The following SLC25A21 variants were observed in gnomAD, a reference collection of about 807,000 sequenced individuals.
The protein encoded by SLC25A21 is mitochondrial 2-oxodicarboxylate carrier.
SLC25A21 carries 47 observed loss-of-function variants against 43.8 expected under a neutral mutation model. That is an observed-to-expected ratio of 1.07 (90% CI 0.85 to 1.37). The LOEUF (loss-of-function observed/expected upper bound fraction) is 1.37, where lower values mean the gene tolerates loss of function less well. Among genes scored for constraint, SLC25A21 ranks in the 40% most tolerant of loss-of-function variants. The pLI is 0.00. For missense variants in SLC25A21, 352 were observed against 350.2 expected, an observed-to-expected ratio of 1.00 and a Z score of -0.04; for synonymous variants, 131 against 121.3, an observed-to-expected ratio of 1.08 and a Z score of -0.52.
chr14:36,868,949 G>C (rs957262917), intron 2 of SLC25A21, among the ~76,000 whole-genome samples: 2 of 152,156 alleles, frequency 1.3e-5, no homozygotes, highest in Admixed American at 1.3e-4. Flanking sequence ...TCTCCCACTG[G>C]AGAGACCTAC....
rs1183706584 is a variant in SLC25A21 at position 36,680,449 on chromosome 14, A to AT, written c.*208dup. On this transcript the variant is annotated 3_prime_UTR_variant, in exon 10 of 10. Coordinates refer to ENST00000331299, the MANE Select transcript of SLC25A21 (RefSeq NM_030631.4). ...TTTAAATACCTCATTGTTTCATATTATTTTTTTCTTCTCACAGTTTTATTT... is the reference window on the plus strand; with the variant it reads ...TTTAAATACCTCATTGTTTCATATTATTTTTTTTCTTCTCACAGTTTTATTT... The AT allele has an allele frequency of 5.0e-5, 59 of 1,190,778 alleles. No homozygotes were observed. The highest frequency in any genetic ancestry group is 6.6e-4 in the Middle Eastern group (2 of 3,036). 73.8% of individuals were successfully genotyped at this position (1,190,778 alleles called of 1,614,324 possible). A position where few individuals can be genotyped will look rare whatever the true frequency, so the allele number is the denominator to read the frequency against.
At chr14:36,866,437 T>G (rs1252011574) in intron 2 of SLC25A21, among the ~76,000 whole-genome samples, 1 of 152,146 alleles carries the variant, frequency 6.6e-6, no homozygotes, top group Non-Finnish European at 1.5e-5. Flanking sequence ...AATGGGCCAT[T>G]TCCTTTCCTG....
At chr14:36,695,272 C>A (rs113507427) in intron 7 of SLC25A21, among the ~76,000 whole-genome samples, 2,786 of 152,170 alleles carry the variant, frequency 0.018, 49 homozygotes, top group African/African-American at 0.054. Flanking sequence ...TGGTCTATAT[C>A]TCTGTTTTGG....
At chr14:36,954,656 G>A (rs529833647) in intron 1 of SLC25A21, among the ~76,000 whole-genome samples, 23 of 152,022 alleles carry the variant, frequency 1.5e-4, no homozygotes, top group South Asian at 8.3e-4. Context: ...TTTCAAAATC[G>A]CTACGAGAGT....
chr14:36,937,884 G>A (rs1223461507), intron 1 of SLC25A21, among the ~76,000 whole-genome samples: 1 of 152,058 alleles, frequency 6.6e-6, no homozygotes, highest in African/African-American at 2.4e-5. Flanking sequence ...AGTCTGTATT[G>A]GAAAGCTGAG....
intron 1 of SLC25A21, among the ~76,000 whole-genome samples, chr14:37,143,660 A>G (rs1279476592): frequency 6.6e-6 from 1 of 151,686 alleles, no homozygotes; most frequent in Non-Finnish European, 1.5e-5. Flanking sequence ...AAGGGGAAGA[A>G]GGCATTTGAC....
At chr14:36,922,831 A>C (rs1892019354) in intron 1 of SLC25A21, among the ~76,000 whole-genome samples, 1 of 152,140 alleles carries the variant, frequency 6.6e-6, no homozygotes, top group Non-Finnish European at 1.5e-5. Context: ...AGAATCCAAG[A>C]TGACCCACAA....
chr14:36,984,683 A>G (rs1319060965), intron 1 of SLC25A21, among the ~76,000 whole-genome samples: 2 of 152,048 alleles, frequency 1.3e-5, no homozygotes, highest in Non-Finnish European at 2.9e-5. Context: ...ATGACTTTTA[A>G]AAATGTTTTA....
At chr14:36,734,716 G>T (rs545934941) in intron 3 of SLC25A21, 143 bp from the exon 4 acceptor site, 5 of 646,486 alleles carry the variant, frequency 7.7e-6, no homozygotes, top group Admixed American at 5.8e-5. Context: ...CTAAAATAAA[G>T]AAATAAATTT....
intron 3 of SLC25A21, among the ~76,000 whole-genome samples, chr14:36,735,302 A>G (rs1884985861): frequency 6.6e-6 from 1 of 152,248 alleles, no homozygotes; most frequent in South Asian, 2.1e-4. Flanking sequence ...TTAGATTTAT[A>G]ACAAGTCACC....
chr14:37,044,131 T>C (rs559206441), intron 1 of SLC25A21, among the ~76,000 whole-genome samples: 1 of 151,794 alleles, frequency 6.6e-6, no homozygotes, highest in East Asian at 2.0e-4. Context: ...TTCCATTACA[T>C]CCCCAGCACC....
chr14:36,716,398 A>G (rs570099804), intron 6 of SLC25A21, among the ~76,000 whole-genome samples: 1 of 152,256 alleles, frequency 6.6e-6, no homozygotes, highest in South Asian at 2.1e-4. Context: ...TTAAATAAGT[A>G]AATTTTAGCT....
At chr14:37,005,086 G>T (rs1195737941) in intron 1 of SLC25A21, among the ~76,000 whole-genome samples, 1 of 151,828 alleles carries the variant, frequency 6.6e-6, no homozygotes, top group Admixed American at 6.6e-5. Flanking sequence ...CGGAATAATC[G>T]AATCCCCTAA....
chr14:37,053,348 A>C (rs1309548186), intron 1 of SLC25A21, among the ~76,000 whole-genome samples: 3 of 152,210 alleles, frequency 2.0e-5, no homozygotes, highest in African/African-American at 7.2e-5. Context: ...ATTAGAGAAC[A>C]AGTTTCATGC....
intron 1 of SLC25A21, among the ~76,000 whole-genome samples, chr14:37,051,066 G>A (rs1340365421): frequency 6.6e-6 from 1 of 152,006 alleles, no homozygotes; most frequent in Non-Finnish European, 1.5e-5. Flanking sequence ...AAATGACTTT[G>A]TTCATGTATT....
At chr14:36,886,987 A>G (rs910999679) in intron 1 of SLC25A21, among the ~76,000 whole-genome samples, 6 of 152,106 alleles carry the variant, frequency 3.9e-5, no homozygotes, top group Non-Finnish European at 8.8e-5. Flanking sequence ...GAGAAACACC[A>G]GGGGGAAAAT....
chr14:36,745,425 T>C (rs1338982072), intron 3 of SLC25A21, among the ~76,000 whole-genome samples: 1 of 152,190 alleles, frequency 6.6e-6, no homozygotes, highest in Non-Finnish European at 1.5e-5. Flanking sequence ...CCACACTGTC[T>C]TCCACAATGG....
chr14:37,062,485 A>AT (rs1292201140), intron 1 of SLC25A21, among the ~76,000 whole-genome samples: 1 of 152,162 alleles, frequency 6.6e-6, no homozygotes, highest in Non-Finnish European at 1.5e-5. Flanking sequence ...AGAACTCTCT[A>AT]TTTAATCCAA....
At chr14:37,107,636 T>C (rs896708332) in intron 1 of SLC25A21, among the ~76,000 whole-genome samples, 18 of 152,284 alleles carry the variant, frequency 1.2e-4, no homozygotes, top group African/African-American at 4.1e-4. Context: ...ATCCATATCA[T>C]AGCCCTATAA....
Sources: allele counts gnomAD v4.1 joint callset (sites outside exome capture counted in the v4.1 genomes callset), GRCh38; gene constraint gnomAD v4.1.1; transcripts MANE v1.5; gene names NCBI Gene and HGNC (gene_info 2026-07-23, HGNC 2026-07-21).